Variants in IL2RB observed in about 807,000 individuals in gnomAD.
IL2RB encodes the protein interleukin 2 receptor subunit beta, also known as interleukin-2 receptor subunit beta.
A neutral mutation model predicts 44.2 loss-of-function variants in IL2RB; 17 were observed. The ratio of observed to expected loss-of-function variants is 0.38; its 90% CI spans 0.26 to 0.58. The LOEUF is 0.58. Among genes scored for constraint, IL2RB ranks in the 20% least tolerant of loss-of-function variants. The pLI is 0.63. For missense variants in IL2RB, 624 were observed against 685.5 expected (o/e 0.91, Z 1.00); for synonymous variants, 286 against 297.9 (o/e 0.96, Z 0.41).
At chr22:37,137,566 C>T (rs766866943) in intron 6 of IL2RB, 21 bp downstream of exon 6, 15 of 1,612,984 alleles carry the variant, frequency 9.3e-6, no homozygotes, top group East Asian at 4.5e-5. Flanking sequence ...AAGGCAGGTA[C>T]GGACTGGGCC....
At chr22:37,148,977 A>G (rs1296390629) in intron 1 of IL2RB, among the ~76,000 whole-genome samples, 2 of 151,912 alleles carry the variant, frequency 1.3e-5, no homozygotes, top group African/African-American at 4.8e-5. Context: ...CTGCTCCCAT[A>G]CACAGTGCTT....
chr22:37,138,495 C>T (rs751680127), intron 5 of IL2RB, among the ~76,000 whole-genome samples: 1 of 152,196 alleles, frequency 6.6e-6, no homozygotes, highest in African/African-American at 2.4e-5. Context: ...GAGATGGCCC[C>T]CAAGGTCAGC....
At chr22:37,165,099 T>C (rs1923023118) in intron 1 of IL2RB, among the ~76,000 whole-genome samples, 1 of 152,206 alleles carries the variant, frequency 6.6e-6, no homozygotes, top group Non-Finnish European at 1.5e-5. Context: ...AGGACTCTTA[T>C]CCTATTTTGC....
upstream of IL2RB, among the ~76,000 whole-genome samples, chr22:37,154,796 G>A (rs1476148181): frequency 6.6e-6 from 1 of 152,048 alleles, no homozygotes; most frequent in East Asian, 1.9e-4. Context: ...GGACGGTCTC[G>A]ATCTCCTGAC....
intron 1 of IL2RB, among the ~76,000 whole-genome samples, chr22:37,160,690 A>G (rs1301846387): frequency 6.9e-6 from 1 of 144,376 alleles, no homozygotes; most frequent in African/African-American, 2.8e-5. Context: ...AAAAAAAAAA[A>G]AAAAAAAATT....
At chr22:37,135,849 G>T (rs1921663384) in intron 7 of IL2RB, among the ~76,000 whole-genome samples, 1 of 152,158 alleles carries the variant, frequency 6.6e-6, no homozygotes, top group Non-Finnish European at 1.5e-5. Flanking sequence ...CCTGCTGAGG[G>T]CCAGGCTGCC....
At position 37,128,407 on chromosome 22, in the gene IL2RB, C is replaced by G; in HGVS notation, c.1345G>C (p.Gly449Arg). ...GGGGGCATCCTCTCTTCACCGGCCC[C>G]ACTGCCCCCAGGGGCAGTGCTTGGG... ...SPPSTAPGGS[G>R]AGEERMPPSL... Residue 449 changes from glycine to arginine, a missense_variant, in exon 10 of 10, where the codon GGG (glycine) becomes CGG (arginine). Physicochemically the swap from Gly to Arg is moderately radical, Grantham distance 125. This residue lies in a region of IL2RB where 291 missense variants were observed against 275.5 expected (regional missense o/e 1.06). Transcript: ENST00000216223. The surrounding 1 kb of genome is among the most constrained non-coding windows in gnomAD (Gnocchi z 4.5). The G allele has an allele frequency of 6.6e-7, 1 of 1,515,072 alleles. No homozygotes were observed. Among genetic ancestry groups the G allele is most frequent in the South Asian group, 1.3e-5 (1 of 75,100 alleles). The allele number at this position is 1,515,072 out of a possible 1,614,324, so 93.9% of individuals were successfully genotyped here. A position where few individuals can be genotyped will look rare whatever the true frequency, so the allele number is the denominator to read the frequency against.
At chr22:37,150,643 C>T (rs193095958), upstream of IL2RB, among the ~76,000 whole-genome samples, 8 of 152,280 alleles carry the variant, frequency 5.3e-5, no homozygotes, top group East Asian at 1.2e-3. Flanking sequence ...TGACTAAAGT[C>T]ACCCTGTTAT....
chr22:37,150,296 C>T (rs1398173622), upstream of IL2RB, among the ~76,000 whole-genome samples: 1 of 152,108 alleles, frequency 6.6e-6, no homozygotes, highest in Non-Finnish European at 1.5e-5. Flanking sequence ...GTAGGCTTCA[C>T]ACAAGCAGGT....
chr22:37,126,870 A>G lies in IL2RB; in HGVS notation c.*1226T>C. ...CTCTGTGTGAATGTCAGGCGCAGGGAGCCCAGACGAGGTGGTGCCAGGTAA... is the reference window on the plus strand; with the variant it reads ...CTCTGTGTGAATGTCAGGCGCAGGGGGCCCAGACGAGGTGGTGCCAGGTAA... On this transcript the variant is annotated 3_prime_UTR_variant, in exon 10 of 10. Coordinates refer to ENST00000216223, the MANE Select transcript of IL2RB (RefSeq NM_000878.5). 6.6e-6 allele frequency: 1 copy of G among 152,374 alleles called. No homozygotes were observed. The highest frequency in any genetic ancestry group is 1.5e-5 in the Non-Finnish European group (1 of 68,094). The allele number at this position is 152,374 out of a possible 1,614,324, so 9.4% of individuals were successfully genotyped here.
chr22:37,139,301 G>A (rs1921854255), intron 4 of IL2RB, 79 bp from the exon 5 acceptor site: 1 of 940,196 alleles, frequency 1.1e-6, no homozygotes, highest in South Asian at 1.4e-5. Context: ...GATGACCTGG[G>A]AAGGATGGCA....
At chr22:37,138,706 A>G (rs1460074474) in intron 5 of IL2RB, among the ~76,000 whole-genome samples, 1 of 152,200 alleles carries the variant, frequency 6.6e-6, no homozygotes, top group Non-Finnish European at 1.5e-5. Context: ...ACAAAGGGCT[A>G]GGGGAGTCTA....
At chr22:37,144,262 C>A in intron 1 of IL2RB, 57 bp from the exon 2 acceptor site, 2 of 1,482,310 alleles carry the variant, frequency 1.3e-6, no homozygotes, top group Non-Finnish European at 9.0e-7. Flanking sequence ...GGCCTCGCTG[C>A]CCCTAGAGGC....
upstream of IL2RB, among the ~76,000 whole-genome samples, chr22:37,153,240 C>T (rs1230722614): frequency 2.0e-5 from 3 of 152,106 alleles, no homozygotes; most frequent in Non-Finnish European, 2.9e-5. Context: ...CAGCCTGCCA[C>T]CTCTTCTGAG....
intron 6 of IL2RB, 117 bp downstream of exon 6, chr22:37,137,470 A>G (rs879931275): frequency 9.3e-7 from 1 of 1,076,464 alleles, no homozygotes; most frequent in Non-Finnish European, 1.4e-6. Flanking sequence ...CACTGGACTC[A>G]GCCACCCACC....
chr22:37,143,521 C>T lies in IL2RB; in HGVS notation c.203G>A (p.Arg68Gln), dbSNP rs1182012759. ...TCTGCAGTGTGGCCAGTGGACTCAC[C>T]GTCTGTCCGGCCAGGCATGGACTTG... Reference protein sequence around the residue: ...SCQVHAWPDRRRWNQTCELLP... With the variant: ...SCQVHAWPDRQRWNQTCELLP... Residue 68 changes from arginine (R) to glutamine (Q), a missense_variant and splice_region_variant, in exon 3 of 10, where the codon CGG becomes CAG. Arg to Gln is a conservative substitution (Grantham distance 43, BLOSUM62 1). Around this residue, in one of 3 missense-constraint regions of IL2RB, gnomAD observed 255 missense variants for 339.9 expected, o/e 0.75. Coordinates refer to ENST00000216223, the MANE Select transcript of IL2RB (RefSeq NM_000878.5). 3 of 1,600,450 alleles carry T rather than the reference C, an allele frequency of 1.9e-6. No homozygotes were observed. The highest frequency in any genetic ancestry group is 1.7e-5 in the Admixed American group (1 of 59,982).
At position 37,126,100 on chromosome 22, in the gene IL2RB, G is replaced by A. The variant is rs908267880; in HGVS notation, c.*1996C>T. ...TCCCAAGAAGTGGGAGCCTCCCAAA[G>A]TGGAGAAGGCAAATACAATTTCCAT... On this transcript the variant is annotated 3_prime_UTR_variant, in exon 10 of 10. Transcript: ENST00000216223. 1 of 152,204 alleles carries A rather than the reference G, an allele frequency of 6.6e-6. No individual in the cohort carries two copies. Among genetic ancestry groups the A allele is most frequent in the Non-Finnish European group, 1.5e-5 (1 of 68,038 alleles). The allele number at this position is 152,204 out of a possible 1,614,324, so 9.4% of individuals were successfully genotyped here. A position where few individuals can be genotyped will look rare whatever the true frequency, so the allele number is the denominator to read the frequency against.
At chr22:37,152,044 C>G (rs927698542), upstream of IL2RB, among the ~76,000 whole-genome samples, 1 of 152,140 alleles carries the variant, frequency 6.6e-6, no homozygotes, top group East Asian at 1.9e-4. Flanking sequence ...ATGGCTTTGG[C>G]TACTCTGCAT....
chr22:37,169,648 T>C (rs1345639494), intron 1 of IL2RB, among the ~76,000 whole-genome samples: 1 of 149,150 alleles, frequency 6.7e-6, no homozygotes, highest in Non-Finnish European at 1.5e-5. Flanking sequence ...CTTGCATGCC[T>C]CCCCCTCCTC....
Sources: gnomAD v4.1 joint callset for allele counts (sites outside exome capture counted in the v4.1 genomes callset) on GRCh38, gnomAD v4.1.1 for gene constraint, gnomAD v4.1.1 regional missense constraint, Gnocchi (gnomAD v3.1) non-coding constraint, MANE v1.5 for transcripts, NCBI Gene and HGNC (gene_info 2026-07-23, HGNC 2026-07-21) for gene names.